The following LRRC75A variants were observed in gnomAD, a reference collection of about 807,000 sequenced individuals.
The protein encoded by LRRC75A is leucine rich repeat containing 75A, also known as leucine-rich repeat-containing protein 75A.
Under a neutral mutation model 26.0 loss-of-function variants are expected in LRRC75A, and 12 were observed. The observed-to-expected ratio is 0.46, with a 90% CI of 0.30 to 0.75. LRRC75A has a LOEUF of 0.75. LRRC75A is among the 30% of genes least tolerant of loss of function. The pLI, the probability that LRRC75A is intolerant of heterozygous loss-of-function variation, is 0.08. For missense variants in LRRC75A, 410 were observed against 486.6 expected, an observed-to-expected ratio of 0.84 and a Z score of 1.48; for synonymous variants, 223 against 219.3, an observed-to-expected ratio of 1.02 and a Z score of -0.15.
At chr17:16,453,647 C>T (rs2093653817) in intron 2 of LRRC75A, among the ~76,000 whole-genome samples, 1 of 152,154 alleles carries the variant, frequency 6.6e-6, no homozygotes, top group Admixed American at 6.5e-5. Context: ...ATGCATTGGG[C>T]ATCTCCTCTG....
intron 2 of LRRC75A, among the ~76,000 whole-genome samples, chr17:16,449,374 C>T (rs1477295072): frequency 2.0e-5 from 3 of 152,232 alleles, no homozygotes; most frequent in Non-Finnish European, 4.4e-5. Context: ...AATTGCTTGA[C>T]TTCTCTGTGC....
At position 16,462,127 on chromosome 17, in the gene LRRC75A, G is replaced by T; in HGVS notation, c.375+131C>A. The T allele has an allele frequency of 1.7e-6, 2 of 1,188,382 alleles. No homozygotes were observed. The highest frequency in any genetic ancestry group is 1.2e-6 in the Non-Finnish European group (1 of 857,226). The allele number at this position is 1,188,382 out of a possible 1,614,324, so 73.6% of individuals were successfully genotyped here. On this transcript the variant is annotated intron_variant, in intron 2 of 3. Coordinates refer to ENST00000470794, the MANE Select transcript of LRRC75A (RefSeq NM_001113567.3). This position sits in a 1 kb window ranked among gnomAD's most constrained non-coding sequence, Gnocchi z 4.6. ...CCAAGGGAGAGCACCTCAAGCTCTT[G>T]GTGCCTGGAGGACGGGCTTGTCCTC...
At position 16,492,114 on chromosome 17, in the gene LRRC75A, C is replaced by CGCGGGCGTCGCGGGG; in HGVS notation, c.-139_-125dup. 1.2e-6 allele frequency: 1 copy of CGCGGGCGTCGCGGGG among 807,690 alleles called. No individual in the cohort carries two copies. Among genetic ancestry groups the CGCGGGCGTCGCGGGG allele is most frequent in the Non-Finnish European group, 1.5e-6 (1 of 663,952 alleles). The allele number at this position is 807,690 out of a possible 1,614,324, so 50.0% of individuals were successfully genotyped here. A position where few individuals can be genotyped will look rare whatever the true frequency, so the allele number is the denominator to read the frequency against. On this transcript the variant is annotated 5_prime_UTR_variant, in exon 1 of 4. Transcript: ENST00000470794. The stretch of plus-strand genomic sequence containing the variant: ...CTGCAACTTTGGGGGAACTGTTGCG[C>CGCGGGCGTCGCGGGG]GCGGGCGTCGCGGGGGCGGGCGGGC...
At chr17:16,451,603 CAG>C (rs1272102733) in intron 2 of LRRC75A, among the ~76,000 whole-genome samples, 1 of 143,442 alleles carries the variant, frequency 7.0e-6, no homozygotes, top group Non-Finnish European at 1.5e-5. Flanking sequence ...GCCTGGGTGA[CAG>C]AGTGAGACTC....
At chr17:16,452,239 C>T (rs142358053) in intron 2 of LRRC75A, among the ~76,000 whole-genome samples, 9 of 150,474 alleles carry the variant, frequency 6.0e-5, no homozygotes, top group African/African-American at 2.0e-4. Flanking sequence ...TGCCTGCAGT[C>T]CCAGCTACCC....
intron 1 of LRRC75A, among the ~76,000 whole-genome samples, chr17:16,480,369 C>G (rs1042281534): frequency 2.6e-5 from 4 of 152,158 alleles, no homozygotes; most frequent in African/African-American, 9.7e-5. Context: ...GTGGCTCATG[C>G]CTGTAATCCT....
rs1474243752 is a variant in LRRC75A at position 16,459,655 on chromosome 17, C to T, written c.375+2603G>A. On this transcript the variant is annotated intron_variant, in intron 2 of 3. Coordinates refer to ENST00000470794, the MANE Select transcript of LRRC75A (RefSeq NM_001113567.3). Reference sequence around the variant, plus strand: ...TGTAGTATCCAATTTACCTTTGGAACGAGCTCTCCGGTCTTGACACCTCTG... The same window carrying T: ...TGTAGTATCCAATTTACCTTTGGAATGAGCTCTCCGGTCTTGACACCTCTG... Among the ~76,000 whole-genome samples the T allele has an allele frequency of 7.9e-5, 12 of 152,314 alleles. No individual in the cohort carries two copies. In the East Asian group the frequency reaches 9.6e-4, roughly 12 times the overall value.
chr17:16,489,885 C>A (rs766423733), intron 1 of LRRC75A, among the ~76,000 whole-genome samples: 1 of 151,838 alleles, frequency 6.6e-6, no homozygotes, highest in Non-Finnish European at 1.5e-5. Context: ...CATCAGCCCT[C>A]CCAGTCCTGC....
intron 1 of LRRC75A, among the ~76,000 whole-genome samples, chr17:16,473,505 A>T (rs2093812656): frequency 6.6e-6 from 1 of 151,678 alleles, no homozygotes; most frequent in Non-Finnish European, 1.5e-5. Context: ...CGCCACCCCC[A>T]CAGGCCTGTG....
At chr17:16,485,271 T>C (rs1301678510) in intron 1 of LRRC75A, among the ~76,000 whole-genome samples, 1 of 152,162 alleles carries the variant, frequency 6.6e-6, no homozygotes, top group Admixed American at 6.5e-5. Context: ...CATTCTCAAA[T>C]GTATATGTTG....
At chr17:16,458,061 T>C (rs1050096217) in intron 2 of LRRC75A, among the ~76,000 whole-genome samples, 3 of 152,082 alleles carry the variant, frequency 2.0e-5, no homozygotes, top group Non-Finnish European at 4.4e-5. Flanking sequence ...TCCCAGCACT[T>C]TGGAAGGCCA....
At chr17:16,445,158 ATTTTTTT>A (rs766449990) in intron 3 of LRRC75A, among the ~76,000 whole-genome samples, 22,471 of 68,772 alleles carry the variant, frequency 0.33, 2,251 homozygotes, top group Non-Finnish European at 0.35. Flanking sequence ...CATTTTCTGC[ATTTTTTT>A]TTTTTTTTTT....
At position 16,442,185 on chromosome 17, in the gene LRRC75A, G is replaced by C. The variant is rs893758399; in HGVS notation, c.*1403C>G. 2 of 152,370 alleles carry C rather than the reference G, an allele frequency of 1.3e-5. No homozygotes were observed. The highest frequency in any genetic ancestry group is 6.5e-5 in the Admixed American group (1 of 15,298). The allele number at this position is 152,370 out of a possible 1,614,324, so 9.4% of individuals were successfully genotyped here. ...AAGGCAAAAGCTCAAAGCATTTAAGGCCTCCTCAATTTCGGCCCCTGCTGC... is the reference window on the plus strand; with the variant it reads ...AAGGCAAAAGCTCAAAGCATTTAAGCCCTCCTCAATTTCGGCCCCTGCTGC... On this transcript the variant is annotated 3_prime_UTR_variant, in exon 4 of 4. Transcript: ENST00000470794.
chr17:16,476,853 C>A (rs1362835894), intron 1 of LRRC75A, among the ~76,000 whole-genome samples: 1 of 151,694 alleles, frequency 6.6e-6, no homozygotes, highest in Non-Finnish European at 1.5e-5. Flanking sequence ...ATTCTCCTGC[C>A]TCAGCCTCCC....
chr17:16,447,450 G>A (rs2093595428), intron 3 of LRRC75A, among the ~76,000 whole-genome samples: 1 of 152,068 alleles, frequency 6.6e-6, no homozygotes, highest in African/African-American at 2.4e-5. Flanking sequence ...GATTACAGGT[G>A]TGCACCACCA....
chr17:16,443,652 C>A lies in LRRC75A; in HGVS notation c.971G>T (p.Gly324Val), dbSNP rs778216028. Residue 324 changes from glycine to valine, a missense_variant, in exon 4 of 4, where the codon GGC (glycine) becomes GTC (valine). Physicochemically the swap from Gly to Val is moderately radical, Grantham distance 109. Transcript: ENST00000470794. ...GTGGTCTTCGGCAGGTGCCACAGGG[C>A]CCCCTCCAGGGTCCTCCTGGCCTAC... ...GTVGQEDPGGGPVAPAEDHHE... is the reference protein window; with the variant it reads ...GTVGQEDPGGVPVAPAEDHHE... The A allele has an allele frequency of 1.3e-6, 2 of 1,563,290 alleles. No homozygotes were observed. Among genetic ancestry groups the A allele is most frequent in the South Asian group, 1.2e-5 (1 of 86,300 alleles).
chr17:16,485,681 T>TGTGTGTGC (rs1555893700), intron 1 of LRRC75A, among the ~76,000 whole-genome samples: 31 of 135,424 alleles, frequency 2.3e-4, no homozygotes, highest in Non-Finnish European at 3.3e-4. Flanking sequence ...CGTGTGTGTG[T>TGTGTGTGC]GTGTGTGTGT....
intron 2 of LRRC75A, among the ~76,000 whole-genome samples, chr17:16,453,830 G>A (rs1431650795): frequency 6.6e-6 from 1 of 152,084 alleles, no homozygotes; most frequent in African/African-American, 2.4e-5. Flanking sequence ...GTGAGTCAGA[G>A]AAACCAGAAT....
chr17:16,458,077 G>C (rs1419810391), intron 2 of LRRC75A, among the ~76,000 whole-genome samples: 1 of 152,172 alleles, frequency 6.6e-6, no homozygotes, highest in Non-Finnish European at 1.5e-5. Context: ...GGCCAAGGTG[G>C]GTGGATCACC....
Sources: gnomAD v4.1 joint callset for allele counts (sites outside exome capture counted in the v4.1 genomes callset) on GRCh38, gnomAD v4.1.1 for gene constraint, Gnocchi (gnomAD v3.1) non-coding constraint, MANE v1.5 for transcripts, NCBI Gene and HGNC (gene_info 2026-07-23, HGNC 2026-07-21) for gene names.